POLR2H: variants seen among roughly 807,000 people sequenced by gnomAD.
POLR2H encodes DNA-directed RNA polymerases I, II, and III subunit RPABC3.
A neutral mutation model predicts 18.1 loss-of-function variants in POLR2H; 3 were observed. That is an observed-to-expected ratio of 0.17 (90% CI 0.08 to 0.43). The LOEUF is 0.43. POLR2H is among the 20% of genes least tolerant of loss of function. POLR2H has a pLI of 0.99. For missense variants in POLR2H, 103 were observed against 184.6 expected, an observed-to-expected ratio of 0.56 and a Z score of 2.56; for synonymous variants, 76 against 69.0, an observed-to-expected ratio of 1.10 and a Z score of -0.50.
At chr3:184,365,602 T>C in intron 4 of POLR2H, 2 of 245,040 alleles carry the variant, frequency 8.2e-6, no homozygotes, top group Non-Finnish European at 7.9e-6. Context: ...GCCAGGGAGG[T>C]TGAGGCTGCA....
rs138482713 is a variant in POLR2H, at chr3:184,366,800, T to G, written c.335T>G (p.Leu112Arg). 13 of 1,533,018 alleles carry G rather than the reference T, an allele frequency of 8.5e-6. No homozygotes were observed. Among genetic ancestry groups the G allele is most frequent in the Non-Finnish European group, 1.2e-5 (13 of 1,106,202 alleles). The allele number at this position is 1,533,018 out of a possible 1,614,324, so 95.0% of individuals were successfully genotyped here. The stretch of plus-strand genomic sequence containing the variant: ...ACTTCTACTGAAGCAGCAACACGCC[T>G]GTAAGTTACGTAATCTTGTGAGGAT... ...DETSTEAATRLSAYVSYGGLL... is the reference protein window; with the variant it reads ...DETSTEAATRRSAYVSYGGLL... The change falls in exon 5 of 6, where the codon CTC becomes CGC. Residue 112 changes from leucine (L) to arginine (R), a missense_variant and splice_region_variant. Coordinates refer to ENST00000456318, the MANE Select transcript of POLR2H (RefSeq NM_006232.5).
intron 5 of POLR2H, among the ~76,000 whole-genome samples, chr3:184,367,948 G>A (rs9839511): frequency 7.6e-6 from 1 of 131,464 alleles, no homozygotes; most frequent in Non-Finnish European, 1.7e-5. Flanking sequence ...GTGCATTGAT[G>A]TTTGTCAGAA....
intron 5 of POLR2H, 157 bp from the exon 6 acceptor site, chr3:184,368,020 A>T: frequency 9.5e-7 from 1 of 1,050,454 alleles, no homozygotes. Context: ...GCTGAGATGG[A>T]ACAGTGCCTT....
At chr3:184,365,897 A>C (rs887820714) in intron 4 of POLR2H, among the ~76,000 whole-genome samples, 22 of 139,952 alleles carry the variant, frequency 1.6e-4, no homozygotes, top group Non-Finnish European at 3.2e-4. Context: ...AATGGCGTGA[A>C]CCCGGGAGGC....
At position 184,365,030 on chromosome 3, in the gene POLR2H, A is replaced by G. The variant is rs907263376; in HGVS notation, c.138A>G (p.Gln46=). 5 of 1,607,768 alleles carry G rather than the reference A, an allele frequency of 3.1e-6. No individual in the cohort carries two copies. Among genetic ancestry groups the G allele is most frequent in the African/African-American group, 2.7e-5 (2 of 74,808 alleles). ...KMDLILDVNI[Q]IYPVDLGDKF... ...ATCTAATCTTAGATGTAAACATTCA[A>G]ATTTACCCTGTAGACTTGGGTAAGT... The change falls in exon 3 of 6, where the codon CAA becomes CAG. Residue 46 remains glutamine (Q), a synonymous_variant. Transcript: ENST00000456318.
chr3:184,364,104 G>C (rs146202230), intron 2 of POLR2H, among the ~76,000 whole-genome samples: 3 of 152,342 alleles, frequency 2.0e-5, no homozygotes, highest in East Asian at 3.9e-4. Context: ...TTTTCTCTGA[G>C]AGGTTGAGTA....
chr3:184,367,977 A>G (rs9876991), intron 5 of POLR2H, 200 bp from the exon 6 acceptor site: 2 of 674,932 alleles, frequency 3.0e-6, no homozygotes, highest in East Asian at 7.2e-5. Flanking sequence ...CCTAGTGACA[A>G]AACAGTAGGA....
rs932725518 is a variant in POLR2H at position 184,363,363 on chromosome 3, T to C, written c.-130T>C. Reference sequence around the variant, plus strand: ...CCGCTTGTTTGTGCGCATGCGCCACTCTCGTCTGGCCGCCGCGCTTTCAGG... The same window carrying C: ...CCGCTTGTTTGTGCGCATGCGCCACCCTCGTCTGGCCGCCGCGCTTTCAGG... On this transcript the variant is annotated 5_prime_UTR_variant, in exon 2 of 6. Coordinates refer to ENST00000456318, the MANE Select transcript of POLR2H (RefSeq NM_006232.5). 3 of 757,562 alleles carry C rather than the reference T, an allele frequency of 4.0e-6. No homozygotes were observed. The highest frequency in any genetic ancestry group is 2.3e-6 in the Non-Finnish European group (1 of 431,190). 46.9% of individuals were successfully genotyped at this position (757,562 alleles called of 1,614,324 possible).
At position 184,365,164 on chromosome 3, in the gene POLR2H, C is replaced by T; in HGVS notation, c.189C>T (p.Thr63=). ...AGTTTCGGTTGGTCATAGCTAGTAC[C>T]TTGTATGAAGATGGTACCCTGGATG... is the stretch of plus-strand genomic sequence containing the variant. The part of the protein sequence containing the change: ...GDKFRLVIAS[T]LYEDGTLDDG... The change falls in exon 4 of 6, where the codon ACC becomes ACT. Residue 63 remains threonine, a synonymous_variant. Transcript: ENST00000456318. 2 of 1,613,402 alleles carry T rather than the reference C, an allele frequency of 1.2e-6. No homozygotes were observed. The highest frequency in any genetic ancestry group is 2.2e-5 in the East Asian group (1 of 44,870).
chr3:184,366,545 A>C, intron 4 of POLR2H, 172 bp from the exon 5 acceptor site: 2 of 465,512 alleles, frequency 4.3e-6, no homozygotes, highest in Non-Finnish European at 4.0e-6. Context: ...TCACTGTGTT[A>C]GCCAGGATGG....
chr3:184,368,400 C>T lies in POLR2H; in HGVS notation c.*106C>T, dbSNP rs1713708856. 3.3e-6 allele frequency: 3 copies of T among 919,888 alleles called. No homozygotes were observed. Among genetic ancestry groups the T allele is most frequent in the Non-Finnish European group, 4.9e-6 (3 of 616,874 alleles). 57.0% of individuals were successfully genotyped at this position (919,888 alleles called of 1,614,324 possible). On this transcript the variant is annotated 3_prime_UTR_variant, in exon 6 of 6. Coordinates refer to ENST00000456318, the MANE Select transcript of POLR2H (RefSeq NM_006232.5). ...CACCTGTTGAGGAAGGGCTGGCTCA[C>T]TGTCCACCGTGGCGGCATCTTTAAC...
At chr3:184,363,803 G>C (rs542030709) in intron 2 of POLR2H, among the ~76,000 whole-genome samples, 1 of 152,318 alleles carries the variant, frequency 6.6e-6, no homozygotes, top group African/African-American at 2.4e-5. Context: ...CAAACTCCTA[G>C]GCATATTTAT....
At position 184,366,777 on chromosome 3, in the gene POLR2H, T is replaced by C. The variant is rs1233420559; in HGVS notation, c.312T>C (p.Thr104=). 1 of 1,599,632 alleles carries C rather than the reference T, an allele frequency of 6.3e-7. No individual in the cohort carries two copies. Among genetic ancestry groups the C allele is most frequent in the African/African-American group, 1.3e-5 (1 of 74,636 alleles). The change falls in exon 5 of 6, where the codon ACT becomes ACC. Residue 104 remains threonine (T), a synonymous_variant. Transcript: ENST00000456318. ...GKVYRIEGDE[T]STEAATRLSA... ...TGTACAGGATTGAGGGAGATGAAAC[T>C]TCTACTGAAGCAGCAACACGCCTGT... is the stretch of plus-strand genomic sequence containing the variant.
At chr3:184,363,691 T>A (rs779915042) in intron 2 of POLR2H, 126 bp downstream of exon 2, 40 of 663,970 alleles carry the variant, frequency 6.0e-5, no homozygotes, top group Admixed American at 1.3e-4. Context: ...GGGACCTCCC[T>A]CAGTAAACAT....
At position 184,368,187 on chromosome 3, in the gene POLR2H, G is replaced by A. The variant is rs755878238; in HGVS notation, c.346G>A (p.Val116Met). The change falls in exon 6 of 6, where the codon GTG becomes ATG. Residue 116 changes from valine (V) to methionine (M), a missense_variant. Val to Met is a conservative substitution (Grantham distance 21). Transcript: ENST00000456318. Reference protein sequence around the residue: ...TEAATRLSAYVSYGGLLMRLQ... With the variant: ...TEAATRLSAYMSYGGLLMRLQ... ...GGCCTTCTGTTTCAGCTCTGCGTAC[G>A]TGTCCTATGGGGGCCTGCTCATGAG... 9.9e-6 allele frequency: 16 copies of A among 1,613,892 alleles called. No homozygotes were observed. Among genetic ancestry groups the A allele is most frequent in the Admixed American group, 3.3e-5 (2 of 59,994 alleles).
chr3:184,365,801 G>A (rs1240026325), intron 4 of POLR2H, among the ~76,000 whole-genome samples: 3 of 151,522 alleles, frequency 2.0e-5, no homozygotes, highest in East Asian at 1.9e-4. Context: ...GTGAAACCCC[G>A]TCTCTACTAA....
In POLR2H at chr3:184,368,222, G is replaced by A. The variant is rs1643847276; in HGVS notation, c.381G>A (p.Gly127=). 1.2e-6 allele frequency: 2 copies of A among 1,613,494 alleles called. No individual in the cohort carries two copies. Among genetic ancestry groups the A allele is most frequent in the African/African-American group, 2.7e-5 (2 of 74,894 alleles). The change falls in exon 6 of 6, where the codon GGG becomes GGA. Residue 127 remains glycine (G), a synonymous_variant. Transcript: ENST00000456318. ...SYGGLLMRLQ[G]DANNLHGFEV... ...GGGGCCTGCTCATGAGGCTGCAGGG[G>A]GATGCCAACAACCTGCATGGATTCG... is the stretch of plus-strand genomic sequence containing the variant.
rs1298198608 is a variant in POLR2H, at chr3:184,364,971, C to T, written c.79C>T (p.Arg27Ter). The change falls in exon 3 of 6, where the codon CGA becomes TGA. Residue 27 changes from arginine to a stop codon, truncating the protein, a stop_gained. Transcript: ENST00000456318. LOFTEE classifies it high-confidence loss of function. ...PEGKKFDRVS[R>*]LHCESESFKM... ...CTTTTCCTGCTTCTCCCCAGTGTCT[C>T]GACTGCATTGTGAGAGTGAATCTTT... is the stretch of plus-strand genomic sequence containing the variant. The T allele has an allele frequency of 1.9e-6, 3 of 1,607,576 alleles. No homozygotes were observed. The highest frequency in any genetic ancestry group is 2.6e-6 in the Non-Finnish European group (3 of 1,173,954).
chr3:184,365,993 GAAA>G (rs1272127922), intron 4 of POLR2H, among the ~76,000 whole-genome samples: 1 of 145,920 alleles, frequency 6.9e-6, no homozygotes, highest in East Asian at 2.0e-4. Flanking sequence ...AAAAAAAAAA[GAAA>G]AAAATTCAAA....
Sources: allele counts gnomAD v4.1 joint callset (sites outside exome capture counted in the v4.1 genomes callset), GRCh38; gene constraint gnomAD v4.1.1; transcripts MANE v1.5; gene names NCBI Gene and HGNC (gene_info 2026-07-23, HGNC 2026-07-21).